The following CHIA variants were observed in gnomAD, a reference collection of about 807,000 sequenced individuals.
CHIA encodes the protein acidic mammalian chitinase.
CHIA carries 47 observed loss-of-function variants against 53.5 expected under a neutral mutation model. The ratio of observed to expected loss-of-function variants is 0.88; its 90% confidence interval spans 0.70 to 1.12. CHIA has a LOEUF of 1.12. CHIA is among the 50% of genes most tolerant of loss of function. CHIA has a pLI of 0.00. For synonymous variants in CHIA, 268 were observed against 222.2 expected, an observed-to-expected ratio of 1.21 and a Z score of -1.83; for missense variants, 652 against 592.2, an observed-to-expected ratio of 1.10 and a Z score of -1.05.
chr1:111,302,699 C>A (rs541954576), intron 1 of CHIA, among the ~76,000 whole-genome samples: 1 of 152,050 alleles, frequency 6.6e-6, no homozygotes, highest in Non-Finnish European at 1.5e-5. Flanking sequence ...GTCCCGTGTG[C>A]GCTTGGGAAG....
chr1:111,301,120 A>T (rs1045969277), intron 1 of CHIA, among the ~76,000 whole-genome samples: 23 of 152,208 alleles, frequency 1.5e-4, no homozygotes, highest in African/African-American at 5.3e-4. Context: ...GAACACTTTT[A>T]CACTGTTGGT....
chr1:111,312,678 A>G (rs1486888346), intron 4 of CHIA, among the ~76,000 whole-genome samples: 1 of 152,100 alleles, frequency 6.6e-6, no homozygotes, highest in Non-Finnish European at 1.5e-5. Context: ...ACTGTTTGCA[A>G]TTTTCAAAAT....
intron 7 of CHIA, 64 bp downstream of exon 7, chr1:111,317,869 T>G: frequency 6.2e-7 from 1 of 1,611,126 alleles, no homozygotes; most frequent in Non-Finnish European, 8.5e-7. Flanking sequence ...GACTTGTCCT[T>G]GGTCTGGCTT....
At position 111,320,335 on chromosome 1, in the gene CHIA, G is replaced by A; in HGVS notation, c.1300G>A (p.Ala434Thr). Residue 434 changes from alanine (A) to threonine (T), a missense_variant, in exon 12 of 12, where the codon GCC becomes ACC. By Grantham distance (58) the Ala-to-Thr change is moderately conservative. Coordinates refer to ENST00000369740, the MANE Select transcript of CHIA (RefSeq NM_201653.4). ...SGGSGFCAVR[A>T]NGLYPVANNR... The stretch of plus-strand genomic sequence containing the variant: ...AGGCAGTGGATTCTGTGCTGTCAGA[G>A]CCAACGGCCTCTACCCCGTGGCAAA... 6.2e-7 allele frequency: 1 copy of A among 1,614,222 alleles called. No homozygotes were observed. Among genetic ancestry groups the A allele is most frequent in the Non-Finnish European group, 8.5e-7 (1 of 1,180,042 alleles).
intron 1 of CHIA, among the ~76,000 whole-genome samples, chr1:111,298,064 C>T (rs991191494): frequency 1.3e-5 from 2 of 152,062 alleles, no homozygotes; most frequent in Admixed American, 6.6e-5. Context: ...TATATATGCA[C>T]CCAATACAGA....
chr1:111,311,824 G>A (rs1375208893), intron 3 of CHIA, 106 bp downstream of exon 3: 1 of 1,206,252 alleles, frequency 8.3e-7, no homozygotes. Context: ...GGTTTGATTT[G>A]GGAGTAATCT....
rs1401502318 is a variant in CHIA, at chr1:111,290,944, T to C, written c.-75T>C. The C allele has an allele frequency of 2.8e-5, 13 of 463,782 alleles. No homozygotes were observed. Among genetic ancestry groups the C allele is most frequent in the Non-Finnish European group, 1.8e-5 (4 of 225,878 alleles). The allele number at this position is 463,782 out of a possible 1,614,324, so 28.7% of individuals were successfully genotyped here. On this transcript the variant is annotated 5_prime_UTR_variant, in exon 1 of 12. It removes the in-frame stop codon of an upstream open reading frame in the 5' UTR. Transcript: ENST00000369740. ...TTCCAGTCTGGTGGTGAATCCTCCATAGTCTGGTGAGTGTAAATATATATA... is the reference window on the plus strand; with the variant it reads ...TTCCAGTCTGGTGGTGAATCCTCCACAGTCTGGTGAGTGTAAATATATATA...
chr1:111,304,244 G>T (rs1021929460), intron 1 of CHIA, among the ~76,000 whole-genome samples: 1 of 152,068 alleles, frequency 6.6e-6, no homozygotes, highest in Non-Finnish European at 1.5e-5. Flanking sequence ...CTTGGAGTTC[G>T]CTGAGTTCTT....
intron 3 of CHIA, 28 bp downstream of exon 3, chr1:111,311,746 T>A: frequency 6.2e-7 from 1 of 1,607,188 alleles, no homozygotes; most frequent in African/African-American, 1.3e-5. Context: ...TGTTTTATCA[T>A]TGAATGTATA....
intron 1 of CHIA, among the ~76,000 whole-genome samples, chr1:111,297,636 G>A (rs2101605911): frequency 6.6e-6 from 1 of 152,200 alleles, no homozygotes; most frequent in South Asian, 2.1e-4. Context: ...CAATTGTAAA[G>A]ACCATTGATG....
At chr1:111,311,327 A>G (rs936933773) in intron 2 of CHIA, among the ~76,000 whole-genome samples, 1 of 152,198 alleles carries the variant, frequency 6.6e-6, no homozygotes, top group African/African-American at 2.4e-5. Flanking sequence ...TATCTGTTGG[A>G]AGGCTGTGTT....
At chr1:111,310,987 T>G (rs1387348133) in intron 2 of CHIA, among the ~76,000 whole-genome samples, 1 of 152,222 alleles carries the variant, frequency 6.6e-6, no homozygotes, top group African/African-American at 2.4e-5. Flanking sequence ...GAGTTGATGA[T>G]GTACCATAAA....
At chr1:111,306,255 C>T (rs577090916) in intron 1 of CHIA, among the ~76,000 whole-genome samples, 2 of 152,204 alleles carry the variant, frequency 1.3e-5, no homozygotes, top group South Asian at 4.1e-4. Flanking sequence ...AAAACTAAGG[C>T]ATTCCTGAAG....
At chr1:111,297,901 C>CAAAAAAAAAAAAAAAA (rs1188512345) in intron 1 of CHIA, among the ~76,000 whole-genome samples, 64 of 31,832 alleles carry the variant, frequency 2.0e-3, no homozygotes, top group East Asian at 4.7e-3. Flanking sequence ...AAATGGAAAG[C>CAAAAAAAAAAAAAAAA]AAAAAAAAAA....
intron 1 of CHIA, among the ~76,000 whole-genome samples, chr1:111,308,668 A>C (rs996599853): frequency 2.0e-5 from 3 of 152,176 alleles, no homozygotes; most frequent in Admixed American, 2.0e-4. Context: ...GTCTGGTGTC[A>C]TACAACAATA....
intron 4 of CHIA, among the ~76,000 whole-genome samples, chr1:111,313,412 A>G (rs1648869208): frequency 6.6e-6 from 1 of 152,094 alleles, no homozygotes; most frequent in South Asian, 2.1e-4. Flanking sequence ...GATGTTGAGC[A>G]TTTTTTATAC....
intron 4 of CHIA, 109 bp downstream of exon 4, chr1:111,312,500 A>G (rs1648771858): frequency 1.2e-6 from 1 of 846,742 alleles, no homozygotes; most frequent in African/African-American, 1.7e-5. Context: ...GGGGACCAAG[A>G]CTCTGCATTT....
At chr1:111,294,721 T>C (rs1661235861) in intron 1 of CHIA, among the ~76,000 whole-genome samples, 1 of 152,222 alleles carries the variant, frequency 6.6e-6, no homozygotes, top group Non-Finnish European at 1.5e-5. Context: ...TTTGCTTCTA[T>C]TTCTAGTTTG....
chr1:111,314,136 T>A (rs1648943561), intron 4 of CHIA, among the ~76,000 whole-genome samples: 1 of 152,222 alleles, frequency 6.6e-6, no homozygotes, highest in Non-Finnish European at 1.5e-5. Flanking sequence ...GGAATCTCTA[T>A]TCAAGAGAAT....
Sources: gnomAD v4.1 joint callset for allele counts (sites outside exome capture counted in the v4.1 genomes callset) on GRCh38, gnomAD v4.1.1 for gene constraint, MANE v1.5 for transcripts, NCBI Gene and HGNC (gene_info 2026-07-23, HGNC 2026-07-21) for gene names.